The following SF3B3 variants were observed in gnomAD, a reference collection of about 807,000 sequenced individuals.
SF3B3 encodes the protein SAP 130.
Under a neutral mutation model 139.2 loss-of-function variants are expected in SF3B3, and 33 were observed. The ratio of observed to expected loss-of-function variants is 0.24; its 90% CI spans 0.18 to 0.32. The LOEUF (loss-of-function observed/expected upper bound fraction) is 0.32. Ranked by LOEUF, SF3B3 falls within the 10% of genes least tolerant of loss-of-function variation. The pLI is 1.00. For synonymous variants in SF3B3, 596 were observed against 563.6 expected, an observed-to-expected ratio of 1.06 and a Z score of -0.81; for missense variants, 818 against 1,509.4, an observed-to-expected ratio of 0.54 and a Z score of 7.59.
chr16:70,556,437 C>A, intron 14 of SF3B3, 103 bp downstream of exon 14: 1 of 1,343,962 alleles, frequency 7.4e-7, no homozygotes, highest in East Asian at 2.3e-5. Context: ...TCTCTGAGAT[C>A]AGCTGGGTTA....
chr16:70,555,323 C>A, intron 13 of SF3B3, 117 bp downstream of exon 13: 2 of 963,468 alleles, frequency 2.1e-6, no homozygotes, highest in Non-Finnish European at 3.2e-6. Context: ...ACTAAAAATA[C>A]AAAAATTAGC....
intron 6 of SF3B3, among the ~76,000 whole-genome samples, chr16:70,537,551 A>T (rs1295861050): frequency 8.5e-5 from 13 of 152,104 alleles, no homozygotes; most frequent in Admixed American, 8.5e-4. Context: ...GAACTTTAGG[A>T]TTTAATTTAA....
intron 9 of SF3B3, among the ~76,000 whole-genome samples, chr16:70,542,945 G>A (rs189256342): frequency 1.3e-5 from 2 of 151,964 alleles, no homozygotes; most frequent in East Asian, 3.9e-4. Flanking sequence ...GGATGGTCTC[G>A]ATATTCTGAC....
At chr16:70,571,272 TAGTACC>T in intron 25 of SF3B3, 73 bp downstream of exon 25, 5 of 1,139,962 alleles carry the variant, frequency 4.4e-6, no homozygotes, top group Non-Finnish European at 6.6e-6. Flanking sequence ...TTGATGGGAA[TAGTACC>T]AGGGAGGGTG....
chr16:70,529,144 C>T lies in SF3B3; in HGVS notation c.342C>T (p.Arg114=), dbSNP rs1375868321. 1.2e-6 allele frequency: 2 copies of T among 1,614,032 alleles called. No individual in the cohort carries two copies. The highest frequency in any genetic ancestry group is 1.3e-5 in the African/African-American group (1 of 74,912). ...QETFGKSGCR[R]IVPGQFLAVD... ...CCTTTGGCAAGAGTGGATGCCGTCG[C>T]ATCGTTCCTGGCCAGTTCTTAGCTG... Residue 114 remains arginine (R), a synonymous_variant, in exon 3 of 26, where the codon CGC becomes CGT. Transcript: ENST00000302516.
In SF3B3 at chr16:70,543,541, C is replaced by T. The variant is rs1000932142; in HGVS notation, c.1234-897C>T. On this transcript the variant is annotated intron_variant, in intron 9 of 25. Coordinates refer to ENST00000302516, the MANE Select transcript of SF3B3 (RefSeq NM_012426.5). ...TGGCCAACACGGTGAAACCCCGTCTCTACTAAAAATAAAAAAACTAGCAGG... is the reference window on the plus strand; with the variant it reads ...TGGCCAACACGGTGAAACCCCGTCTTTACTAAAAATAAAAAAACTAGCAGG... Among the ~76,000 whole-genome samples the T allele has an allele frequency of 2.0e-5, 3 of 151,578 alleles. No homozygotes were observed. In the South Asian group the frequency reaches 6.3e-4, roughly 32 times the overall value.
At position 70,565,476 on chromosome 16, in the gene SF3B3, T is replaced by C. The variant is rs750987045; in HGVS notation, c.2778T>C (p.Tyr926=). The change falls in exon 20 of 26, where the codon TAT becomes TAC. Residue 926 remains tyrosine, a synonymous_variant. Transcript: ENST00000302516. ...NPRSVAGGFV[Y]TYKLVNNGEK... is the part of the protein sequence containing the mutation. ...GATCTGTGGCAGGGGGCTTCGTCTA[T>C]ACTTACAAGCTTGTGAACAATGGGG... The C allele has an allele frequency of 2.5e-6, 4 of 1,614,184 alleles. No homozygotes were observed. The highest frequency in any genetic ancestry group is 2.5e-6 in the Non-Finnish European group (3 of 1,180,034).
In SF3B3 at chr16:70,565,450, C is replaced by T; in HGVS notation, c.2752C>T (p.Arg918Ter). ...GVAKDLILNP[R>*]SVAGGFVYTY... ...GGCCAAGGACCTGATACTAAACCCCCGATCTGTGGCAGGGGGCTTCGTCTA... is the reference window on the plus strand; with the variant it reads ...GGCCAAGGACCTGATACTAAACCCCTGATCTGTGGCAGGGGGCTTCGTCTA... The change falls in exon 20 of 26, where the codon CGA becomes TGA. Residue 918 changes from arginine to a stop codon, truncating the protein, a stop_gained. Coordinates refer to ENST00000302516, the MANE Select transcript of SF3B3 (RefSeq NM_012426.5). LOFTEE classifies it high-confidence loss of function. 1 of 1,614,142 alleles carries T rather than the reference C, an allele frequency of 6.2e-7. No individual in the cohort carries two copies. Among genetic ancestry groups the T allele is most frequent in the Non-Finnish European group, 8.5e-7 (1 of 1,180,018 alleles).
At chr16:70,568,901 G>A (rs1597725064) in intron 22 of SF3B3, 142 bp from the exon 23 acceptor site, 1 of 590,980 alleles carries the variant, frequency 1.7e-6, no homozygotes, top group East Asian at 2.8e-5. Flanking sequence ...CACCAGAGCA[G>A]GTGCAGGACA....
intron 8 of SF3B3, among the ~76,000 whole-genome samples, chr16:70,539,505 G>A (rs2050198961): frequency 6.6e-6 from 1 of 151,960 alleles, no homozygotes; most frequent in African/African-American, 2.4e-5. Context: ...CTGAGATCAC[G>A]CCACTGCACT....
intron 21 of SF3B3, 49 bp downstream of exon 21, chr16:70,567,585 G>C: frequency 6.3e-7 from 1 of 1,577,812 alleles, no homozygotes; most frequent in Non-Finnish European, 8.6e-7. Context: ...TGTCAAGGGT[G>C]GGGGCATTGG....
chr16:70,529,470 G>C (rs2050099926), intron 3 of SF3B3: 1 of 471,354 alleles, frequency 2.1e-6, no homozygotes, highest in African/African-American at 2.0e-5. Flanking sequence ...ACAATGAAAT[G>C]ATCTTATGTT....
chr16:70,552,882 A>T (rs2050340867), intron 11 of SF3B3, among the ~76,000 whole-genome samples: 1 of 152,226 alleles, frequency 6.6e-6, no homozygotes, highest in Non-Finnish European at 1.5e-5. Context: ...CTAATAGGGC[A>T]GAACACTACT....
chr16:70,545,057 TTTTA>T (rs1016182946), intron 10 of SF3B3, among the ~76,000 whole-genome samples: 1 of 152,144 alleles, frequency 6.6e-6, no homozygotes, highest in African/African-American at 2.4e-5. Flanking sequence ...ATAGCATACT[TTTTA>T]TTTATTTATT....
rs2050568005 is a variant in SF3B3, at chr16:70,575,205, T to TTC, written c.*3393_*3394insCT. 2.8e-5 allele frequency: 4 copies of TTC among 144,316 alleles called. No individual in the cohort carries two copies. Among genetic ancestry groups the TTC allele is most frequent in the African/African-American group, 5.2e-5 (2 of 38,190 alleles). The allele number at this position is 144,316 out of a possible 1,614,324, so 8.9% of individuals were successfully genotyped here. ...TCTTTTTCTTTTTTTTCTTTTTTTT[T>TTC]TTTTTTTTTTTGAGATGAAGTCTTA... is the stretch of plus-strand genomic sequence containing the variant. On this transcript the variant is annotated 3_prime_UTR_variant, in exon 26 of 26. Transcript: ENST00000302516.
Position 70,555,226 on chromosome 16 carries a change from A to G in SF3B3, c.1710+20A>G. 6.2e-7 allele frequency: 1 copy of G among 1,607,948 alleles called. No individual in the cohort carries two copies. The highest frequency in any genetic ancestry group is 8.5e-7 in the Non-Finnish European group (1 of 1,174,712). On this transcript the variant is annotated intron_variant, in intron 13 of 25. Coordinates refer to ENST00000302516, the MANE Select transcript of SF3B3 (RefSeq NM_012426.5). ...GATCCTGTATGTTATTTTATCATTC[A>G]CTGTGGGACTTATTGTAGGGACCAG...
rs1318227857 is a variant in SF3B3 at position 70,574,619 on chromosome 16, C to T, written c.*2806C>T. 2 of 152,250 alleles carry T rather than the reference C, an allele frequency of 1.3e-5. No homozygotes were observed. The highest frequency in any genetic ancestry group is 6.5e-5 in the Admixed American group (1 of 15,280). The allele number at this position is 152,250 out of a possible 1,614,324, so 9.4% of individuals were successfully genotyped here. A position where few individuals can be genotyped will look rare whatever the true frequency, so the allele number is the denominator to read the frequency against. ...GCTCAAGCGATCCTCCTTAGCTTCCCAAATAGCTGGAACTACAGGCATGTG... is the reference window on the plus strand; with the variant it reads ...GCTCAAGCGATCCTCCTTAGCTTCCTAAATAGCTGGAACTACAGGCATGTG... On this transcript the variant is annotated 3_prime_UTR_variant, in exon 26 of 26. Coordinates refer to ENST00000302516, the MANE Select transcript of SF3B3 (RefSeq NM_012426.5).
At chr16:70,524,902 G>C (rs1256646427) in intron 1 of SF3B3, 1 of 151,904 alleles carries the variant, frequency 6.6e-6, no homozygotes, top group Non-Finnish European at 1.5e-5. Context: ...GGATGGTCTC[G>C]ATCTCCTGAC....
chr16:70,554,904 A>G (rs749603924), intron 12 of SF3B3, 147 bp from the exon 13 acceptor site: 13 of 748,108 alleles, frequency 1.7e-5, no homozygotes, highest in East Asian at 2.7e-5. Flanking sequence ...CCTGAGGCCT[A>G]CTAACTCTTT....
Sources: gnomAD v4.1 joint callset for allele counts (sites outside exome capture counted in the v4.1 genomes callset) on GRCh38, gnomAD v4.1.1 for gene constraint, MANE v1.5 for transcripts, NCBI Gene and HGNC (gene_info 2026-07-23, HGNC 2026-07-21) for gene names.